The following FGD4 variants were observed in gnomAD, a reference collection of about 807,000 sequenced individuals.
FGD4 encodes FYVE, RhoGEF and PH domain containing 4, also known as FYVE, RhoGEF and PH domain-containing protein 4.
FGD4 carries 42 observed loss-of-function variants against 102.0 expected under a neutral mutation model. The observed-to-expected ratio is 0.41, with a 90% CI of 0.32 to 0.53. The LOEUF (loss-of-function observed/expected upper bound fraction) is 0.53, where lower values mean the gene tolerates loss of function less well. FGD4 is among the 20% of genes least tolerant of loss of function. The probability of loss-of-function intolerance (pLI) is 0.21; values close to 1 mark genes in which losing one functional copy is unlikely to be tolerated. For synonymous variants in FGD4, 380 were observed against 375.7 expected (o/e 1.01, Z -0.13); for missense variants, 902 against 1,078.2 (o/e 0.84, Z 2.29).
At chr12:32,402,920 C>T (rs1176846273) in intron 1 of FGD4, among the ~76,000 whole-genome samples, 1 of 152,104 alleles carries the variant, frequency 6.6e-6, no homozygotes. Flanking sequence ...TTCTTTGACT[C>T]AAATCTGCCT....
chr12:32,624,335 G>A, intron 11 of FGD4, 87 bp from the exon 12 acceptor site: 2 of 1,081,590 alleles, frequency 1.8e-6, no homozygotes, highest in Middle Eastern at 2.1e-4. Flanking sequence ...TTTCCAGAAA[G>A]TTGGAACAAC....
At chr12:32,588,452 G>A (rs913737231) in intron 4 of FGD4, among the ~76,000 whole-genome samples, 2 of 152,238 alleles carry the variant, frequency 1.3e-5, no homozygotes, top group Admixed American at 6.5e-5. Context: ...ATTCACTGTT[G>A]TTAGCAGAAA....
chr12:32,441,115 C>G (rs1285630119), intron 1 of FGD4, among the ~76,000 whole-genome samples: 1 of 152,138 alleles, frequency 6.6e-6, no homozygotes, highest in Non-Finnish European at 1.5e-5. Context: ...CCAGGGACCC[C>G]AAGAGCTCGC....
chr12:32,569,101 C>A (rs78174500), intron 2 of FGD4, among the ~76,000 whole-genome samples: 7,362 of 152,232 alleles, frequency 0.048, 214 homozygotes, highest in African/African-American at 0.062. Context: ...CTCTTTCTCT[C>A]ATATGTCTAA....
rs145286882 is a variant in FGD4 at position 32,412,298 on chromosome 12, G to A, written c.166+12339G>A. On this transcript the variant is annotated intron_variant, in intron 1 of 16. Coordinates refer to ENST00000534526, the MANE Select transcript of FGD4 (RefSeq NM_001370298.3). ...TTGGTCATCTTTTCTGCAGTAGATT[G>A]TGAGATAATGGAGAGAAGGAAAAAG... is the stretch of plus-strand genomic sequence containing the variant. Among the ~76,000 whole-genome samples the A allele has an allele frequency of 4.8e-3, 727 of 152,288 alleles. 5 individuals carry two copies. Among genetic ancestry groups the A allele is most frequent in the African/African-American group, 0.013 (539 of 41,554 alleles).
chr12:32,639,002 C>T (rs1012024604), intron 16 of FGD4: 1 of 1,368,942 alleles, frequency 7.3e-7, no homozygotes, highest in African/African-American at 1.5e-5. Flanking sequence ...TGTGGATCAT[C>T]TGTCCCCTTT....
intron 1 of FGD4, among the ~76,000 whole-genome samples, chr12:32,495,695 CAAAAAA>C (rs766436638): frequency 2.6e-5 from 2 of 76,074 alleles, no homozygotes; most frequent in African/African-American, 1.1e-4. Context: ...GACTCTGTTT[CAAAAAA>C]AAAAAAAAAA....
intron 1 of FGD4, among the ~76,000 whole-genome samples, chr12:32,468,009 C>T (rs1943311795): frequency 6.6e-6 from 1 of 151,954 alleles, no homozygotes; most frequent in African/African-American, 2.4e-5. Context: ...GAGCGAGACT[C>T]CATCTCAAAA....
At chr12:32,454,314 G>A (rs1942894139) in intron 1 of FGD4, among the ~76,000 whole-genome samples, 1 of 152,194 alleles carries the variant, frequency 6.6e-6, no homozygotes. Context: ...TAAGGGATTA[G>A]CCTTTCGTTC....
At chr12:32,430,260 A>G (rs928810438) in intron 1 of FGD4, among the ~76,000 whole-genome samples, 2 of 152,064 alleles carry the variant, frequency 1.3e-5, no homozygotes, top group Non-Finnish European at 2.9e-5. Flanking sequence ...GTGAGCTGAG[A>G]TTGCACCACT....
intron 1 of FGD4, among the ~76,000 whole-genome samples, chr12:32,405,596 G>C (rs1019800043): frequency 4.6e-5 from 7 of 152,140 alleles, no homozygotes; most frequent in African/African-American, 1.7e-4. Context: ...ATGTAAACTT[G>C]TGGACCTAAG....
At chr12:32,469,752 C>G (rs774144623) in intron 1 of FGD4, among the ~76,000 whole-genome samples, 22 of 151,812 alleles carry the variant, frequency 1.4e-4, no homozygotes, top group South Asian at 6.2e-4. Context: ...CTCTGCCTCC[C>G]AGGTTCAAGC....
At chr12:32,534,561 C>A in intron 1 of FGD4, 1 of 997,994 alleles carries the variant, frequency 1.0e-6, no homozygotes, top group Non-Finnish European at 1.4e-6. Context: ...CACTTTATAA[C>A]ACTGCATGCC....
intron 1 of FGD4, among the ~76,000 whole-genome samples, chr12:32,481,384 C>A (rs1359354129): frequency 6.6e-6 from 1 of 152,134 alleles, no homozygotes; most frequent in Non-Finnish European, 1.5e-5. Flanking sequence ...ATGTAATGAT[C>A]AAAGGAAACT....
chr12:32,617,959 T>C (rs745656787), intron 10 of FGD4, among the ~76,000 whole-genome samples: 3 of 152,220 alleles, frequency 2.0e-5, no homozygotes, highest in Non-Finnish European at 4.4e-5. Flanking sequence ...AAGATTCATA[T>C]AGGATTTTTG....
chr12:32,488,737 G>A (rs1490792478), intron 1 of FGD4, among the ~76,000 whole-genome samples: 1 of 152,050 alleles, frequency 6.6e-6, no homozygotes, highest in Non-Finnish European at 1.5e-5. Context: ...TCAGGAGTTC[G>A]AGACCAGCCT....
intron 4 of FGD4, among the ~76,000 whole-genome samples, chr12:32,584,846 T>G (rs527615653): frequency 7.6e-4 from 116 of 152,272 alleles, no homozygotes; most frequent in African/African-American, 2.6e-3. Context: ...TTAAATGTGT[T>G]TCATTTAAGC....
chr12:32,631,340 A>C (rs1950487629), intron 14 of FGD4, among the ~76,000 whole-genome samples: 1 of 152,108 alleles, frequency 6.6e-6, no homozygotes, highest in Admixed American at 6.6e-5. Context: ...AGACACAGAA[A>C]ACAGTAGGTG....
intron 15 of FGD4, among the ~76,000 whole-genome samples, chr12:32,634,057 A>C (rs1950651069): frequency 6.6e-6 from 1 of 152,196 alleles, no homozygotes; most frequent in South Asian, 2.1e-4. Flanking sequence ...TATTTCTTTG[A>C]GTGTTTAACA....
Sources: gnomAD v4.1 joint callset for allele counts (sites outside exome capture counted in the v4.1 genomes callset) on GRCh38, gnomAD v4.1.1 for gene constraint, MANE v1.5 for transcripts, NCBI Gene and HGNC (gene_info 2026-07-23, HGNC 2026-07-21) for gene names.